The following HUWE1 variants were observed in gnomAD, a reference collection of about 807,000 sequenced individuals.
HUWE1 encodes HECT, UBA and WWE domain containing E3 ubiquitin protein ligase 1.
A neutral mutation model predicts 299.4 loss-of-function variants in HUWE1; 18 were observed. The ratio of observed to expected loss-of-function variants is 0.06; its 90% CI spans 0.04 to 0.09. The LOEUF is 0.09. Among genes scored for constraint, HUWE1 ranks in the 10% least tolerant of loss-of-function variants. The pLI is 1.00. For missense variants in HUWE1, 1,832 were observed against 3,462.3 expected (o/e 0.53, Z 11.82); for synonymous variants, 1,317 against 1,286.1 (o/e 1.02, Z -0.51).
At chrX:53,645,697 A>AGG (rs1569507938) in intron 6 of HUWE1, among the ~76,000 whole-genome samples, 19 of 87,592 alleles carry the variant, frequency 2.2e-4, no homozygotes, top group African/African-American at 6.8e-4. Context: ...TGGGCAACAG[A>AGG]GGGAGACTCT....
chrX:53,632,572 T>C lies in HUWE1; in HGVS notation c.568-8A>G. 8.7e-7 allele frequency: 1 copy of C among 1,147,533 alleles called. No individual in the cohort carries two copies. Among genetic ancestry groups the C allele is most frequent in the Non-Finnish European group, 1.2e-6 (1 of 836,881 alleles). 94.6% of individuals were successfully genotyped at this position (1,147,533 alleles called of 1,213,427 possible). On this transcript the variant is annotated splice_polypyrimidine_tract_variant and splice_region_variant and intron_variant, in intron 8 of 83. Coordinates refer to ENST00000262854, the MANE Select transcript of HUWE1 (RefSeq NM_031407.7). ...TGCACTGGGTGGATATTTCTGTGTATAAAGCACATCAAAGAATCAGACATT... is the reference window on the plus strand; with the variant it reads ...TGCACTGGGTGGATATTTCTGTGTACAAAGCACATCAAAGAATCAGACATT...
chrX:53,575,370 T>A (rs2063049909), intron 45 of HUWE1, 149 bp from the exon 46 acceptor site: 1 of 517,297 alleles, frequency 1.9e-6, no homozygotes, highest in Admixed American at 2.9e-5. Context: ...TACTATAATC[T>A]GTGGGAGGCT....
At chrX:53,636,368 A>G (rs1403345393) in intron 7 of HUWE1, among the ~76,000 whole-genome samples, 1 of 112,862 alleles carries the variant, frequency 8.9e-6, no homozygotes, top group Non-Finnish European at 1.9e-5. Flanking sequence ...CAACTAGGGA[A>G]GTTTAAGGCA....
chrX:53,615,865 AGAAAGACT>A, intron 21 of HUWE1, 30 bp from the exon 22 acceptor site: 1 of 1,040,883 alleles, frequency 9.6e-7, no homozygotes, highest in Non-Finnish European at 1.3e-6. Flanking sequence ...TGTTAGAATT[AGAAAGACT>A]GAAGAAAATA....
At chrX:53,642,094 G>C (rs2067632536) in intron 7 of HUWE1, among the ~76,000 whole-genome samples, 1 of 111,062 alleles carries the variant, frequency 9.0e-6, no homozygotes, top group African/African-American at 3.3e-5. Flanking sequence ...ATGTGAATGT[G>C]GCTTCTCTCT....
At position 53,548,398 on chromosome X, in the gene HUWE1, T is replaced by C. The variant is rs2061634773; in HGVS notation, c.10036-125A>G. The C allele has an allele frequency of 6.2e-6, 5 of 807,271 alleles. No individual in the cohort carries two copies. In the African/African-American group the frequency reaches 8.1e-5, roughly 13 times the overall value. The allele number at this position is 807,271 out of a possible 1,213,427, so 66.5% of individuals were successfully genotyped here. ...CAATTTTGGTAAATATTGGGGGATA[T>C]GTCATATAAGAGTTTTATCCAACAG... is the stretch of plus-strand genomic sequence containing the variant. On this transcript the variant is annotated intron_variant, in intron 67 of 83. Coordinates refer to ENST00000262854, the MANE Select transcript of HUWE1 (RefSeq NM_031407.7).
Position 53,645,480 on chromosome X carries a change from G to C in HUWE1, c.352-17C>G, listed in dbSNP as rs371300686. On this transcript the variant is annotated splice_polypyrimidine_tract_variant and intron_variant, in intron 6 of 83. Transcript: ENST00000262854. Reference sequence around the variant, plus strand: ...TGTCAAATGCTAAAGGGACAAAAAAGGGCAAAGCTCAAGGTATCAGGCACA... The same window carrying C: ...TGTCAAATGCTAAAGGGACAAAAAACGGCAAAGCTCAAGGTATCAGGCACA... 4.2e-5 allele frequency: 50 copies of C among 1,204,402 alleles called. No homozygotes were observed. In the African/African-American group the frequency reaches 8.7e-4, roughly 21 times the overall value.
intron 2 of HUWE1, chrX:53,680,449 GTTTA>G (rs1291861730): frequency 6.8e-6 from 1 of 147,092 alleles, no homozygotes; most frequent in Middle Eastern, 2.4e-3. Context: ...ATAGAAGACA[GTTTA>G]TTTTTTAGAC....
At chrX:53,680,677 C>G (rs2070085559) in intron 2 of HUWE1, 1 of 112,220 alleles carries the variant, frequency 8.9e-6, no homozygotes, top group Admixed American at 9.4e-5. Flanking sequence ...ACTCCTTCCT[C>G]TCTTCTCAGA....
chrX:53,584,144 C>A (rs1569470725), intron 41 of HUWE1, 42 bp downstream of exon 41: 2 of 1,168,013 alleles, frequency 1.7e-6, no homozygotes, highest in South Asian at 3.6e-5. Flanking sequence ...CCTTAAGCCA[C>A]AAAGGCACAT....
rs1557015198 is a variant in HUWE1 at position 53,624,481 on chromosome X, A to AT, written c.1672+113_1672+114insA. Reference sequence around the variant, plus strand: ...CACTACACTCCAGCCTGGGCAATAGAGTGAGACTCTGTCTCAAAAATAAAT... The same window carrying AT: ...CACTACACTCCAGCCTGGGCAATAGATGTGAGACTCTGTCTCAAAAATAAAT... On this transcript the variant is annotated intron_variant, in intron 19 of 83. Coordinates refer to ENST00000262854, the MANE Select transcript of HUWE1 (RefSeq NM_031407.7). The AT allele has an allele frequency of 5.3e-6, 3 of 562,605 alleles. No homozygotes were observed. In the African/African-American group the frequency reaches 6.9e-5, roughly 13 times the overall value. The allele number at this position is 562,605 out of a possible 1,213,427, so 46.4% of individuals were successfully genotyped here.
intron 3 of HUWE1, among the ~76,000 whole-genome samples, chrX:53,670,177 G>A (rs782119469): frequency 8.9e-6 from 1 of 111,792 alleles, no homozygotes; most frequent in South Asian, 3.7e-4. Flanking sequence ...AAGAAACTGA[G>A]CTTTCTTTGG....
At chrX:53,663,849 G>A (rs1202511105) in intron 3 of HUWE1, among the ~76,000 whole-genome samples, 1 of 107,152 alleles carries the variant, frequency 9.3e-6, no homozygotes, top group Non-Finnish European at 1.9e-5. Context: ...CCCTATTTAT[G>A]AGAAAATGTC....
intron 27 of HUWE1, 30 bp from the exon 28 acceptor site, chrX:53,602,688 AAT>A (rs35692881): frequency 0.021 from 12,190 of 581,373 alleles, no homozygotes; most frequent in East Asian, 0.028. Flanking sequence ...GAGCAAAAGA[AAT>A]ATATATATAT....
At chrX:53,534,750 G>A in intron 81 of HUWE1, 53 bp from the exon 82 acceptor site, 3 of 1,083,960 alleles carry the variant, frequency 2.8e-6, no homozygotes, top group East Asian at 3.0e-5. Flanking sequence ...CAACCGTAGA[G>A]GTCAGAGATC....
chrX:53,587,707 TAC>T (rs1180580822), intron 37 of HUWE1, among the ~76,000 whole-genome samples: 1 of 111,648 alleles, frequency 9.0e-6, no homozygotes, highest in African/African-American at 3.3e-5. Flanking sequence ...AGACAGCTGT[TAC>T]ACAGTTTGAC....
rs144242491 is a variant in HUWE1, at chrX:53,677,595, TA to T, written c.-25+2453del. The stretch of plus-strand genomic sequence containing the variant: ...GCCGTAATAAAGAATATTGGAAGTT[TA>T]AAAAAAAAAAAAAAAAAAGCAAAGA... On this transcript the variant is annotated intron_variant, in intron 3 of 83. Transcript: ENST00000262854. Among the ~76,000 whole-genome samples the T allele has an allele frequency of 8.9e-3, 592 of 66,730 alleles. 1 individual carries two copies. The highest frequency in any genetic ancestry group is 0.013 in the African/African-American group (233 of 17,958). The allele number at this position is 66,730 out of a possible 115,157, so 57.9% of individuals were successfully genotyped here. A position where few individuals can be genotyped will look rare whatever the true frequency, so the allele number is the denominator to read the frequency against.
chrX:53,681,489 T>C (rs1185404757), intron 2 of HUWE1, among the ~76,000 whole-genome samples: 2 of 109,781 alleles, frequency 1.8e-5, no homozygotes, highest in African/African-American at 6.6e-5. Flanking sequence ...CACATCTGTT[T>C]AATAAGTACG....
rs186964365 is a variant in HUWE1 at position 53,638,297 on chromosome X, G to A, written c.505-3999C>T. ...GGAGCTGGCAGTGAGCCAAGATCGC[G>A]CCACTGCACTCCAGCCTGGGGGACA... On this transcript the variant is annotated intron_variant, in intron 7 of 83. Transcript: ENST00000262854. 5.5e-4 allele frequency among the ~76,000 whole-genome samples: 61 copies of A among 111,005 alleles called. No individual in the cohort carries two copies. In the East Asian group the frequency reaches 0.013, roughly 24 times the overall value.
Sources: allele counts gnomAD v4.1 joint callset (sites outside exome capture counted in the v4.1 genomes callset), GRCh38; gene constraint gnomAD v4.1.1; transcripts MANE v1.5; gene names NCBI Gene and HGNC (gene_info 2026-07-23, HGNC 2026-07-21).